The following PPP1R12C variants were observed in gnomAD, a reference collection of about 807,000 sequenced individuals.
The protein encoded by PPP1R12C is leukocyte receptor cluster (LRC) encoded novel gene 3.
Under a neutral mutation model 95.6 loss-of-function variants are expected in PPP1R12C, and 48 were observed. That is an observed-to-expected ratio of 0.50 (90% CI 0.40 to 0.64). PPP1R12C has a LOEUF of 0.64. Among genes scored for constraint, PPP1R12C ranks in the 30% least tolerant of loss-of-function variants. PPP1R12C has a pLI of 0.00. For missense variants in PPP1R12C, 1,057 were observed against 1,083.3 expected (o/e 0.98, Z 0.34); for synonymous variants, 480 against 460.8 (o/e 1.04, Z -0.53).
intron 3 of PPP1R12C, among the ~76,000 whole-genome samples, chr19:55,107,729 A>G (rs1417518306): frequency 9.3e-5 from 14 of 151,236 alleles, no homozygotes; most frequent in Admixed American, 9.2e-4. Flanking sequence ...GCATTAGGAG[A>G]TATACCTAAT....
intron 9 of PPP1R12C, 105 bp downstream of exon 9, chr19:55,095,762 C>CTA (rs2147183496): frequency 6.6e-7 from 1 of 1,526,622 alleles, no homozygotes; most frequent in East Asian, 2.3e-5. Flanking sequence ...ACTCTGGGAA[C>CTA]TATAGTCTTC....
In PPP1R12C at chr19:55,099,727, G is replaced by A. The variant is rs184728998; in HGVS notation, c.732-632C>T. Among the ~76,000 whole-genome samples, 60 of 152,318 alleles carry A rather than the reference G, an allele frequency of 3.9e-4. No homozygotes were observed. The East Asian group carries it at 0.012, about 29-fold the overall frequency. On this transcript the variant is annotated intron_variant, in intron 4 of 21. Transcript: ENST00000263433. The stretch of plus-strand genomic sequence containing the variant: ...GGACCTGACCCAACATGCTGCCAGC[G>A]CCCAGGCTGAGAAACCCTCACCCGA...
Position 55,095,464 on chromosome 19 carries a change from A to G in PPP1R12C, c.1367T>C (p.Leu456Pro), listed in dbSNP as rs374902588. ...ACTCACCTGAGTGGAGGTCCCTTCC[A>G]GCCAGGAGGAGGAAGCCGAGCGCTG... ...GLQRSASSSW[L>P]EGTSTQAKEL... is the part of the protein sequence containing the mutation. The change falls in exon 10 of 22, where the codon CTG (leucine) becomes CCG (proline). Residue 456 changes from leucine (L) to proline (P), a missense_variant. Coordinates refer to ENST00000263433, the MANE Select transcript of PPP1R12C (RefSeq NM_017607.4). 4 of 1,562,948 alleles carry G rather than the reference A, an allele frequency of 2.6e-6. No homozygotes were observed. In the South Asian group the frequency reaches 4.7e-5, roughly 18 times the overall value.
At chr19:55,099,751 G>A (rs1048917043) in intron 4 of PPP1R12C, among the ~76,000 whole-genome samples, 6 of 152,234 alleles carry the variant, frequency 3.9e-5, no homozygotes, top group South Asian at 2.1e-4. Flanking sequence ...ACCCTCACCC[G>A]AGACAGTGTT....
intron 19 of PPP1R12C, 104 bp downstream of exon 19, chr19:55,092,118 C>G: frequency 8.4e-7 from 1 of 1,190,102 alleles, no homozygotes; most frequent in Non-Finnish European, 1.2e-6. Flanking sequence ...TCAAGTGAAG[C>G]CCAGCCCCGC....
chr19:55,091,785 G>A lies in PPP1R12C; in HGVS notation c.2211+74C>T, dbSNP rs970032812. On this transcript the variant is annotated intron_variant, in intron 20 of 21. Transcript: ENST00000263433. ...AGGGGCCAGCTGGGAAGGGCAATGT[G>A]GCTCCCTTGGTCCAAACTTAGGGAT... 3.1e-6 allele frequency: 5 copies of A among 1,611,126 alleles called. No homozygotes were observed. The African/African-American group carries it at 5.3e-5, about 17-fold the overall frequency.
At position 55,094,446 on chromosome 19, in the gene PPP1R12C, G is replaced by T. The variant is rs369974674; in HGVS notation, c.1593-11C>A. 1.6e-5 allele frequency: 26 copies of T among 1,613,478 alleles called. No individual in the cohort carries two copies. The highest frequency in any genetic ancestry group is 2.2e-5 in the Non-Finnish European group (26 of 1,179,918). ...GGCATCTGGTAGGACCTGAGGGAAG[G>T]GTCCCAACCTCAGACAGGGAACCTG... On this transcript the variant is annotated splice_polypyrimidine_tract_variant and intron_variant, in intron 12 of 21. Coordinates refer to ENST00000263433, the MANE Select transcript of PPP1R12C (RefSeq NM_017607.4).
intron 3 of PPP1R12C, among the ~76,000 whole-genome samples, chr19:55,104,494 A>G (rs1416339316): frequency 2.0e-5 from 3 of 151,406 alleles, no homozygotes; most frequent in African/African-American, 7.3e-5. Context: ...CCTGAGGTCA[A>G]GAGTTCGAGA....
chr19:55,102,976 A>C (rs143636944), intron 4 of PPP1R12C, among the ~76,000 whole-genome samples: 234 of 152,270 alleles, frequency 1.5e-3, no homozygotes, highest in African/African-American at 5.5e-3. Context: ...CTGAGGTAGG[A>C]GGATCACTTG....
chr19:55,116,672 C>G (rs942192561), intron 1 of PPP1R12C, among the ~76,000 whole-genome samples: 1 of 152,168 alleles, frequency 6.6e-6, no homozygotes, highest in Non-Finnish European at 1.5e-5. Flanking sequence ...CGTTAGAGGG[C>G]AGAGTTCCGG....
At chr19:55,097,587 C>T (rs56012456) in intron 6 of PPP1R12C, among the ~76,000 whole-genome samples, 1,057 of 9,528 alleles carry the variant, frequency 0.11, 130 homozygotes, top group Middle Eastern at 0.25. Context: ...CCCTTCCCCG[C>T]GCAGTTCACC....
intron 19 of PPP1R12C, 102 bp from the exon 20 acceptor site, chr19:55,092,011 C>T (rs1000159342): frequency 4.1e-6 from 6 of 1,447,390 alleles, no homozygotes; most frequent in Non-Finnish European, 5.8e-6. Flanking sequence ...CTAGGCAGCC[C>T]ACAAGCCCTT....
At position 55,109,043 on chromosome 19, in the gene PPP1R12C, G is replaced by A. The variant is rs1018757054; in HGVS notation, c.571+3424C>T. ...GTTGATTTTCCATTCATTCGATGAT[G>A]GGCACTAGGTTGCTCCTACCTCTGG... On this transcript the variant is annotated intron_variant, in intron 3 of 21. Coordinates refer to ENST00000263433, the MANE Select transcript of PPP1R12C (RefSeq NM_017607.4). The surrounding 1 kb of genome is among the most constrained non-coding windows in gnomAD (Gnocchi z 4.4). 1.3e-5 allele frequency among the ~76,000 whole-genome samples: 2 copies of A among 152,146 alleles called. No homozygotes were observed. Among genetic ancestry groups the A allele is most frequent in the African/African-American group, 4.8e-5 (2 of 41,410 alleles).
At chr19:55,113,950 C>CTCA in intron 1 of PPP1R12C, 1 of 159,968 alleles carries the variant, frequency 6.3e-6, no homozygotes, top group Non-Finnish European at 1.4e-5. Flanking sequence ...CCTCCCCATT[C>CTCA]AACCCAGGAG....
intron 6 of PPP1R12C, chr19:55,096,826 C>A (rs920174010): frequency 1.2e-5 from 3 of 245,428 alleles, no homozygotes; most frequent in Non-Finnish European, 2.4e-5. Flanking sequence ...CCGCGCAGTT[C>A]ACCACCGTCT....
chr19:55,092,273 C>T lies in PPP1R12C; in HGVS notation c.2109G>A (p.Glu703=), dbSNP rs1467371332. The T allele has an allele frequency of 1.2e-6, 2 of 1,600,850 alleles. No homozygotes were observed. The highest frequency in any genetic ancestry group is 1.7e-6 in the Non-Finnish European group (2 of 1,174,194). The part of the protein sequence containing the change: ...ENERLREALT[E]TTLRLAQLKV... ...TGAGCTGCGCCAGCCGCAGCGTGGT[C>T]TCGGTCAGGGCCTCGCGAAGCCGCT... The change falls in exon 19 of 22, where the codon GAG becomes GAA. Residue 703 remains glutamate, a synonymous_variant. Coordinates refer to ENST00000263433, the MANE Select transcript of PPP1R12C (RefSeq NM_017607.4).
intron 6 of PPP1R12C, 149 bp downstream of exon 6, chr19:55,098,635 G>C: frequency 1.1e-6 from 1 of 944,476 alleles, no homozygotes; most frequent in South Asian, 1.6e-5. Flanking sequence ...TCCTGAGGCT[G>C]GGGCTGGGGC....
In PPP1R12C at chr19:55,117,584, C is replaced by A. The variant is rs1168982798; in HGVS notation, c.-41G>T. 2.3e-5 allele frequency: 23 copies of A among 983,694 alleles called. No homozygotes were observed. The highest frequency in any genetic ancestry group is 6.1e-5 in the Admixed American group (1 of 16,306). The allele number at this position is 983,694 out of a possible 1,614,324, so 60.9% of individuals were successfully genotyped here. A position where few individuals can be genotyped will look rare whatever the true frequency, so the allele number is the denominator to read the frequency against. On this transcript the variant is annotated 5_prime_UTR_variant, in exon 1 of 22. Transcript: ENST00000263433. ...CCCAGCGAGCGAGCGAGCGCCGAGC[C>A]CCAACCGCCGCCACCACCCGCCCGC...
chr19:55,095,724 C>T (rs904146149), intron 9 of PPP1R12C, 121 bp from the exon 10 acceptor site: 4 of 1,520,500 alleles, frequency 2.6e-6, no homozygotes, highest in Non-Finnish European at 3.6e-6. Context: ...CAGGCACAGC[C>T]TAAAAAGGAA....
Sources: allele counts gnomAD v4.1 joint callset (sites outside exome capture counted in the v4.1 genomes callset), GRCh38; gene constraint gnomAD v4.1.1; non-coding constraint Gnocchi (gnomAD v3.1); transcripts MANE v1.5; gene names NCBI Gene and HGNC (gene_info 2026-07-23, HGNC 2026-07-21).